BBX: variants seen among roughly 807,000 people sequenced by gnomAD.
The protein encoded by BBX is HMG box transcription factor BBX.
Under a neutral mutation model 100.2 loss-of-function variants are expected in BBX, and 30 were observed. That is an observed-to-expected ratio of 0.30 (90% confidence interval 0.22 to 0.41). The LOEUF (loss-of-function observed/expected upper bound fraction) is 0.41, where lower values mean the gene tolerates loss of function less well. Among genes scored for constraint, BBX ranks in the 10% least tolerant of loss-of-function variants. BBX has a pLI of 1.00. For missense variants in BBX, 1,023 were observed against 1,129.8 expected, an observed-to-expected ratio of 0.91 and a Z score of 1.35; for synonymous variants, 376 against 388.1, an observed-to-expected ratio of 0.97 and a Z score of 0.37.
chr3:107,607,722 G>T (rs1166719776), intron 2 of BBX, among the ~76,000 whole-genome samples: 1 of 152,126 alleles, frequency 6.6e-6, no homozygotes, highest in Non-Finnish European at 1.5e-5. Flanking sequence ...GCCAGCATTT[G>T]CTGTTGCCTG....
chr3:107,778,048 A>G (rs1356658567), intron 12 of BBX, among the ~76,000 whole-genome samples: 1 of 152,132 alleles, frequency 6.6e-6, no homozygotes, highest in African/African-American at 2.4e-5. Context: ...TGAATAGAGT[A>G]TGCTTTGTAC....
rs2062124887 is a variant in BBX at position 107,716,602 on chromosome 3, A to C, written c.163-5A>C. 4 of 1,612,054 alleles carry C rather than the reference A, an allele frequency of 2.5e-6. No individual in the cohort carries two copies. In the South Asian group the frequency reaches 4.4e-5, roughly 18 times the overall value. Reference sequence around the variant, plus strand: ...AAGATCTGGCTTTGTTTTTGGTGGTAATAGGTTCAACTTCTTGGGGCCGAT... The same window carrying C: ...AAGATCTGGCTTTGTTTTTGGTGGTCATAGGTTCAACTTCTTGGGGCCGAT... On this transcript the variant is annotated splice_polypyrimidine_tract_variant and splice_region_variant and intron_variant, in intron 4 of 17. Transcript: ENST00000325805.
intron 2 of BBX, among the ~76,000 whole-genome samples, chr3:107,605,704 G>A (rs2054382667): frequency 6.6e-6 from 1 of 152,142 alleles, no homozygotes; most frequent in Non-Finnish European, 1.5e-5. Context: ...TAAAGGGACA[G>A]GCATGTATGT....
At position 107,582,940 on chromosome 3, in the gene BBX, A is replaced by G. The variant is rs141044115; in HGVS notation, c.-84+56542A>G. 4.4e-3 allele frequency among the ~76,000 whole-genome samples: 665 copies of G among 152,052 alleles called. 7 individuals are homozygous for G. Among genetic ancestry groups the G allele is most frequent in the Admixed American group, 7.8e-3 (119 of 15,266 alleles). ...AGTGTATTGTGCTCTTTGCTTTGCT[A>G]TAAAAGTTCTACAATGCTGTTCCTT... On this transcript the variant is annotated intron_variant, in intron 2 of 17. Transcript: ENST00000325805.
chr3:107,772,375 A>G (rs1211430760), intron 10 of BBX, among the ~76,000 whole-genome samples: 3 of 152,222 alleles, frequency 2.0e-5, no homozygotes, highest in African/African-American at 7.2e-5. Flanking sequence ...TTTTCATAGG[A>G]AAAGCTTCTG....
intron 2 of BBX, among the ~76,000 whole-genome samples, chr3:107,565,594 C>T (rs1262555831): frequency 5.3e-5 from 8 of 151,352 alleles, no homozygotes; most frequent in African/African-American, 1.9e-4. Flanking sequence ...CTCAGCCTTC[C>T]GAGTAGCTGG....
intron 2 of BBX, among the ~76,000 whole-genome samples, chr3:107,527,097 G>A (rs2047836042): frequency 6.6e-6 from 1 of 152,146 alleles, no homozygotes; most frequent in Non-Finnish European, 1.5e-5. Context: ...AAATATGTGT[G>A]GGACAGTAAG....
intron 13 of BBX, among the ~76,000 whole-genome samples, chr3:107,788,629 G>A (rs549400327): frequency 1.3e-5 from 2 of 152,082 alleles, no homozygotes; most frequent in South Asian, 2.1e-4. Context: ...CAAAAAATTA[G>A]CCAGGCATGG....
intron 10 of BBX, among the ~76,000 whole-genome samples, chr3:107,764,284 G>A (rs575214887): frequency 5.7e-4 from 87 of 152,280 alleles, no homozygotes; most frequent in East Asian, 1.4e-3. Context: ...GAGCCACCAC[G>A]CCCAGCCAGC....
At chr3:107,791,327 A>G in intron 15 of BBX, 28 bp downstream of exon 15, 1 of 1,585,574 alleles carries the variant, frequency 6.3e-7, no homozygotes, top group Non-Finnish European at 8.7e-7. Flanking sequence ...ATTTAATTTG[A>G]GACAATCGGA....
chr3:107,801,407 G>GCTTTTGTAATACCTC, intron 17 of BBX, 126 bp downstream of exon 17: 1 of 979,556 alleles, frequency 1.0e-6, no homozygotes, highest in Non-Finnish European at 1.5e-6. Context: ...TTGGTTATAT[G>GCTTTTGTAATACCTC]AGGTATTACA....
chr3:107,574,369 T>C (rs2051613997), intron 2 of BBX, among the ~76,000 whole-genome samples: 1 of 152,206 alleles, frequency 6.6e-6, no homozygotes, highest in South Asian at 2.1e-4. Flanking sequence ...GTACAGGTTA[T>C]TTCACTCTTT....
chr3:107,607,138 G>A (rs976674093), intron 2 of BBX, among the ~76,000 whole-genome samples: 3 of 151,750 alleles, frequency 2.0e-5, no homozygotes, highest in Non-Finnish European at 2.9e-5. Context: ...ACTCTGTCAC[G>A]CAGGCTGGAG....
At chr3:107,724,302 T>C (rs1318102349) in intron 5 of BBX, among the ~76,000 whole-genome samples, 1 of 152,238 alleles carries the variant, frequency 6.6e-6, no homozygotes, top group Non-Finnish European at 1.5e-5. Flanking sequence ...AGATTCTGGA[T>C]ATGAGCCCTT....
At chr3:107,695,404 C>T (rs2060514837) in intron 3 of BBX, among the ~76,000 whole-genome samples, 2 of 135,656 alleles carry the variant, frequency 1.5e-5, no homozygotes, top group African/African-American at 6.1e-5. Context: ...TGTCTTTGTT[C>T]TCATTGGTTT....
chr3:107,761,269 A>C (rs1256363906), intron 10 of BBX, among the ~76,000 whole-genome samples: 2 of 152,200 alleles, frequency 1.3e-5, no homozygotes, highest in Non-Finnish European at 2.9e-5. Context: ...ATGAAGGTAA[A>C]GTGTATCTGT....
At chr3:107,690,234 A>C (rs1295707643) in intron 3 of BBX, among the ~76,000 whole-genome samples, 1 of 152,178 alleles carries the variant, frequency 6.6e-6, no homozygotes, top group African/African-American at 2.4e-5. Context: ...AAAAACTAAA[A>C]GCAGCATGGG....
At chr3:107,618,250 G>C (rs191073058) in intron 2 of BBX, among the ~76,000 whole-genome samples, 122 of 151,770 alleles carry the variant, frequency 8.0e-4, no homozygotes, top group Admixed American at 3.7e-3. Flanking sequence ...ATTTCTTTTA[G>C]ATATTTCTGA....
chr3:107,805,301 T>C (rs1330647915), intron 17 of BBX, 69 bp from the exon 18 acceptor site: 61 of 1,455,872 alleles, frequency 4.2e-5, no homozygotes, highest in Non-Finnish European at 5.6e-5. Context: ...ACACTTGTTA[T>C]TCATCGTCCT....
Sources: allele counts gnomAD v4.1 joint callset (sites outside exome capture counted in the v4.1 genomes callset), GRCh38; gene constraint gnomAD v4.1.1; transcripts MANE v1.5; gene names NCBI Gene and HGNC (gene_info 2026-07-23, HGNC 2026-07-21).